ATG7: variants seen among roughly 807,000 people sequenced by gnomAD.
The protein encoded by ATG7 is ubiquitin-like modifier-activating enzyme ATG7.
Under a neutral mutation model 82.4 loss-of-function variants are expected in ATG7, and 70 were observed. That is an observed-to-expected ratio of 0.85 (90% CI 0.70 to 1.04). The LOEUF (loss-of-function observed/expected upper bound fraction) is 1.04, where lower values mean the gene tolerates loss of function less well. ATG7 is among the 50% of genes least tolerant of loss of function. The probability of loss-of-function intolerance (pLI) is 0.00; values close to 1 mark genes in which losing one functional copy is unlikely to be tolerated. For missense variants in ATG7, 792 were observed against 864.3 expected (o/e 0.92, Z 1.05); for synonymous variants, 287 against 313.0 (o/e 0.92, Z 0.88).
chr3:11,323,419 A>T (rs892731227), intron 9 of ATG7, among the ~76,000 whole-genome samples: 2 of 152,192 alleles, frequency 1.3e-5, no homozygotes, highest in African/African-American at 4.8e-5. Flanking sequence ...CAGATGTTGT[A>T]GTATTGTACA....
chr3:11,314,354 C>G (rs756967260), intron 8 of ATG7, among the ~76,000 whole-genome samples: 1 of 152,116 alleles, frequency 6.6e-6, no homozygotes, highest in Non-Finnish European at 1.5e-5. Context: ...ATACTGATGC[C>G]ATCATTCAGG....
intron 20 of ATG7, among the ~76,000 whole-genome samples, chr3:11,481,882 C>T (rs753667868): frequency 1.3e-5 from 2 of 152,202 alleles, no homozygotes; most frequent in Non-Finnish European, 2.9e-5. Flanking sequence ...GGCCTTTGGC[C>T]TGGCAAGAGT....
At chr3:11,561,547 C>G (rs1157267039), downstream of ATG7, among the ~76,000 whole-genome samples, 1 of 152,242 alleles carries the variant, frequency 6.6e-6, no homozygotes, top group Non-Finnish European at 1.5e-5. Flanking sequence ...CCCCTCCTCC[C>G]CAGCTGGAGT....
At position 11,277,898 on chromosome 3, in the gene ATG7, C is replaced by A. The variant is rs1027626471; in HGVS notation, c.-365-3096C>A. On this transcript the variant is annotated intron_variant, in intron 1 of 20. Transcript: ENST00000693202. ...CAGAGCGGCCCTTTATAGACCCCCC[C>A]CCCCCCACCAGGAATGCATTCCTTT... Among the ~76,000 whole-genome samples the A allele has an allele frequency of 1.5e-5, 2 of 132,170 alleles. 1 individual carries two copies. The highest frequency in any genetic ancestry group is 5.7e-5 in the African/African-American group (2 of 35,058). The allele number at this position is 132,170 out of a possible 152,430, so 86.7% of individuals were successfully genotyped here.
intron 19 of ATG7, among the ~76,000 whole-genome samples, chr3:11,409,198 TTTGA>T (rs2080652252): frequency 6.6e-6 from 1 of 152,218 alleles, no homozygotes. Flanking sequence ...CTTATAATAG[TTTGA>T]CTTACAATTT....
chr3:11,424,688 A>C (rs1212145353), intron 19 of ATG7, among the ~76,000 whole-genome samples: 1 of 152,140 alleles, frequency 6.6e-6, no homozygotes. Context: ...CATGGATTTA[A>C]AAGTTAAAGT....
At chr3:11,316,447 C>G (rs1949423190) in intron 9 of ATG7, among the ~76,000 whole-genome samples, 1 of 152,156 alleles carries the variant, frequency 6.6e-6, no homozygotes, top group South Asian at 2.1e-4. Context: ...CTTGTGAAAA[C>G]CCTAAGAAAT....
chr3:11,354,259 C>T (rs1375464709), intron 14 of ATG7, among the ~76,000 whole-genome samples: 4 of 152,144 alleles, frequency 2.6e-5, no homozygotes, highest in Non-Finnish European at 4.4e-5. Context: ...AAGAAGCGCT[C>T]TGCTACAGAT....
At chr3:11,424,885 T>C (rs1264228864) in intron 19 of ATG7, among the ~76,000 whole-genome samples, 1 of 152,208 alleles carries the variant, frequency 6.6e-6, no homozygotes, top group Non-Finnish European at 1.5e-5. Flanking sequence ...AGTCTAGATA[T>C]TGCTTTTTAA....
intron 20 of ATG7, among the ~76,000 whole-genome samples, chr3:11,497,365 A>ATATGTATATG (rs1468289467): frequency 1.5e-5 from 1 of 66,214 alleles, no homozygotes; most frequent in African/African-American, 5.6e-5. Context: ...TACTATATAT[A>ATATGTATATG]TATATATATA....
chr3:11,371,373 C>T (rs965897358), intron 18 of ATG7, among the ~76,000 whole-genome samples: 1 of 150,980 alleles, frequency 6.6e-6, no homozygotes, highest in African/African-American at 2.4e-5. Context: ...AGGGGCACAG[C>T]GGAGAAGGCA....
intron 20 of ATG7, among the ~76,000 whole-genome samples, chr3:11,524,368 T>C (rs1415704483): frequency 6.6e-6 from 1 of 152,226 alleles, no homozygotes; most frequent in Non-Finnish European, 1.5e-5. Context: ...CTGTGAAATA[T>C]TACAGAAATA....
chr3:11,482,637 C>T (rs1464737600), intron 20 of ATG7, among the ~76,000 whole-genome samples: 1 of 152,020 alleles, frequency 6.6e-6, no homozygotes, highest in Admixed American at 6.6e-5. Context: ...TGTAATTGAT[C>T]AGCCTCCCCG....
At chr3:11,399,644 G>A (rs1447044546) in intron 19 of ATG7, among the ~76,000 whole-genome samples, 1 of 151,496 alleles carries the variant, frequency 6.6e-6, no homozygotes, top group Non-Finnish European at 1.5e-5. Flanking sequence ...ACACAATCTC[G>A]GCTCACTGCA....
At chr3:11,362,516 A>G (rs2076348859) in intron 16 of ATG7, among the ~76,000 whole-genome samples, 1 of 152,226 alleles carries the variant, frequency 6.6e-6, no homozygotes, top group African/African-American at 2.4e-5. Context: ...ACTTAAAGGA[A>G]CACATGATGC....
the ATG7 span, among the ~76,000 whole-genome samples, chr3:11,564,412 C>CA: frequency 6.6e-6 from 1 of 151,690 alleles, no homozygotes; most frequent in Non-Finnish European, 1.5e-5. Flanking sequence ...AGGACCCCCC[C>CA]ACCCGAGGAT....
At chr3:11,539,154 A>G (rs2070611251) in intron 20 of ATG7, among the ~76,000 whole-genome samples, 1 of 152,086 alleles carries the variant, frequency 6.6e-6, no homozygotes, top group African/African-American at 2.4e-5. Flanking sequence ...AAGTAACAAC[A>G]CAGATGATGT....
chr3:11,372,841 C>CGTGCGT (rs1297098019), intron 18 of ATG7, among the ~76,000 whole-genome samples: 1 of 15,826 alleles, frequency 6.3e-5, no homozygotes, highest in Non-Finnish European at 1.3e-4. Context: ...TGTGTGCGTG[C>CGTGCGT]GTGCGTGTGC....
At chr3:11,331,846 A>G (rs1446008222) in intron 10 of ATG7, among the ~76,000 whole-genome samples, 1 of 152,230 alleles carries the variant, frequency 6.6e-6, no homozygotes, top group Non-Finnish European at 1.5e-5. Flanking sequence ...GCCCAACATC[A>G]TGTCATTAAG....
Sources: allele counts gnomAD v4.1 joint callset (sites outside exome capture counted in the v4.1 genomes callset), GRCh38; gene constraint gnomAD v4.1.1; transcripts MANE v1.5; gene names NCBI Gene and HGNC (gene_info 2026-07-23, HGNC 2026-07-21).